Variants in KSR2 observed in about 807,000 individuals in gnomAD.
The protein encoded by KSR2 is kinase suppressor of ras 2.
A neutral mutation model predicts 107.8 loss-of-function variants in KSR2; 25 were observed. The observed-to-expected ratio is 0.23, with a 90% confidence interval of 0.17 to 0.32. KSR2 has a LOEUF of 0.32. Ranked by LOEUF, KSR2 falls within the 10% of genes least tolerant of loss-of-function variation. KSR2 has a pLI of 1.00. For missense variants in KSR2, 887 were observed against 1,268.9 expected, an observed-to-expected ratio of 0.70 and a Z score of 4.57; for synonymous variants, 480 against 507.0, an observed-to-expected ratio of 0.95 and a Z score of 0.71.
chr12:117,903,496 T>A (rs1442810751), intron 1 of KSR2, among the ~76,000 whole-genome samples: 1 of 152,238 alleles, frequency 6.6e-6, no homozygotes, highest in Non-Finnish European at 1.5e-5. Context: ...AAGTGTTCAT[T>A]GTTTATCTGA....
At chr12:117,667,396 G>A in intron 5 of KSR2, 78 bp downstream of exon 5, 4 of 1,349,908 alleles carry the variant, frequency 3.0e-6, no homozygotes, top group South Asian at 2.5e-5. Flanking sequence ...TTTGCACCTG[G>A]CACAGAGGAC....
chr12:117,708,260 A>T (rs1886607792), intron 4 of KSR2, among the ~76,000 whole-genome samples: 1 of 152,192 alleles, frequency 6.6e-6, no homozygotes, highest in Non-Finnish European at 1.5e-5. Flanking sequence ...CTGTTAAGTC[A>T]GATCCGGAAC....
chr12:117,765,407 G>A (rs1176135434), intron 3 of KSR2, among the ~76,000 whole-genome samples: 2 of 152,142 alleles, frequency 1.3e-5, no homozygotes, highest in African/African-American at 2.4e-5. Context: ...TTAAACCACT[G>A]ACCAGCTCTG....
chr12:117,650,085 A>ATGTGTCTG (rs1161555702), intron 5 of KSR2, among the ~76,000 whole-genome samples: 2 of 152,194 alleles, frequency 1.3e-5, no homozygotes, highest in Non-Finnish European at 2.9e-5. Flanking sequence ...TTAATCCTGG[A>ATGTGTCTG]TGTGTCTGTG....
intron 4 of KSR2, among the ~76,000 whole-genome samples, chr12:117,726,543 C>T (rs1459835830): frequency 6.6e-6 from 1 of 152,178 alleles, no homozygotes; most frequent in Non-Finnish European, 1.5e-5. Flanking sequence ...GGTCTCTCCC[C>T]AGGTGCCAGA....
intron 1 of KSR2, among the ~76,000 whole-genome samples, chr12:117,929,030 G>A (rs888396609): frequency 1.3e-5 from 2 of 152,188 alleles, no homozygotes; most frequent in African/African-American, 4.8e-5. Flanking sequence ...ATCAATGGAA[G>A]GGAACAAGTA....
At chr12:117,960,219 T>G (rs552014438) in intron 1 of KSR2, among the ~76,000 whole-genome samples, 2 of 152,328 alleles carry the variant, frequency 1.3e-5, no homozygotes, top group Admixed American at 6.5e-5. Flanking sequence ...GATCATCCCA[T>G]ATCTTTCCCT....
At chr12:117,881,626 A>G (rs1017626468) in intron 1 of KSR2, among the ~76,000 whole-genome samples, 1 of 152,232 alleles carries the variant, frequency 6.6e-6, no homozygotes, top group African/African-American at 2.4e-5. Context: ...TTATGAACCT[A>G]TAACATTGGC....
At chr12:117,490,491 T>C (rs1346143802) in intron 14 of KSR2, among the ~76,000 whole-genome samples, 2 of 152,228 alleles carry the variant, frequency 1.3e-5, no homozygotes, top group African/African-American at 2.4e-5. Context: ...TCAGAATGTG[T>C]CCTGCAATCA....
chr12:117,823,705 G>A (rs1891643312), intron 3 of KSR2, among the ~76,000 whole-genome samples: 2 of 152,204 alleles, frequency 1.3e-5, no homozygotes, highest in African/African-American at 4.8e-5. Flanking sequence ...TTTCCAAAAG[G>A]GAGAAGTGGT....
chr12:117,798,931 C>T (rs1890734090), intron 3 of KSR2, among the ~76,000 whole-genome samples: 1 of 152,152 alleles, frequency 6.6e-6, no homozygotes, highest in South Asian at 2.1e-4. Flanking sequence ...CTAACACATG[C>T]TGCAACATGG....
At chr12:117,945,578 G>T (rs1301643676) in intron 1 of KSR2, among the ~76,000 whole-genome samples, 1 of 152,152 alleles carries the variant, frequency 6.6e-6, no homozygotes, top group Non-Finnish European at 1.5e-5. Context: ...GGAGGCTGAG[G>T]CAGGAGAATT....
At chr12:117,943,963 T>C (rs905820244) in intron 1 of KSR2, among the ~76,000 whole-genome samples, 2 of 152,302 alleles carry the variant, frequency 1.3e-5, no homozygotes, top group Admixed American at 1.3e-4. Context: ...TTTCACCTTT[T>C]GCCATGATTG....
At position 117,545,311 on chromosome 12, in the gene KSR2, T is replaced by C. The variant is rs1021617812; in HGVS notation, c.1519-5424A>G. On this transcript the variant is annotated intron_variant, in intron 9 of 19. Transcript: ENST00000339824. ...TTAGTATCAGGGTAATGTTGGTATATATCATGAGTTGGAAAGTATACTCTT... is the reference window on the plus strand; with the variant it reads ...TTAGTATCAGGGTAATGTTGGTATACATCATGAGTTGGAAAGTATACTCTT... 2.0e-5 allele frequency among the ~76,000 whole-genome samples: 3 copies of C among 152,196 alleles called. No individual in the cohort carries two copies. The South Asian group carries it at 6.2e-4, about 32-fold the overall frequency.
chr12:117,488,346 C>T (rs1451908606), intron 14 of KSR2, among the ~76,000 whole-genome samples: 1 of 152,220 alleles, frequency 6.6e-6, no homozygotes, highest in Non-Finnish European at 1.5e-5. Flanking sequence ...CACCCCTACA[C>T]ATGCACTAGA....
chr12:117,633,321 T>C (rs967681439), intron 5 of KSR2, among the ~76,000 whole-genome samples: 1 of 152,210 alleles, frequency 6.6e-6, no homozygotes, highest in Non-Finnish European at 1.5e-5. Context: ...ATCTGGCTCC[T>C]CCTTCATCTT....
intron 9 of KSR2, among the ~76,000 whole-genome samples, chr12:117,543,146 G>A (rs984041739): frequency 5.9e-5 from 9 of 152,224 alleles, no homozygotes; most frequent in Non-Finnish European, 1.3e-4. Flanking sequence ...ATGCTCAGAA[G>A]TGTAGTTTCT....
At chr12:117,927,561 CA>C (rs1895565807) in intron 1 of KSR2, among the ~76,000 whole-genome samples, 1 of 151,780 alleles carries the variant, frequency 6.6e-6, no homozygotes, top group African/African-American at 2.4e-5. Context: ...AGTGTGGTGG[CA>C]CGAGCCTGTA....
intron 1 of KSR2, among the ~76,000 whole-genome samples, chr12:117,877,848 G>T (rs1229113861): frequency 6.6e-6 from 1 of 152,146 alleles, no homozygotes; most frequent in Non-Finnish European, 1.5e-5. Context: ...CAAGCCTACG[G>T]AATCAGGCAC....
Sources: allele counts gnomAD v4.1 joint callset (sites outside exome capture counted in the v4.1 genomes callset), GRCh38; gene constraint gnomAD v4.1.1; transcripts MANE v1.5; gene names NCBI Gene and HGNC (gene_info 2026-07-23, HGNC 2026-07-21).